Variants in WDR59 observed in about 807,000 individuals in gnomAD.
WDR59 encodes WD repeat domain 59.
WDR59 carries 100 observed loss-of-function variants against 131.2 expected under a neutral mutation model. That is an observed-to-expected ratio of 0.76 (90% CI 0.65 to 0.90). The LOEUF is 0.90. Among genes scored for constraint, WDR59 ranks in the 40% least tolerant of loss-of-function variants. The pLI, the probability that WDR59 is intolerant of heterozygous loss-of-function variation, is 0.00. For missense variants in WDR59, 1,203 were observed against 1,262.2 expected, an observed-to-expected ratio of 0.95 and a Z score of 0.71; for synonymous variants, 601 against 466.2, an observed-to-expected ratio of 1.29 and a Z score of -3.72.
chr16:74,983,183 A>C (rs2034494307), intron 1 of WDR59, among the ~76,000 whole-genome samples: 1 of 152,086 alleles, frequency 6.6e-6, no homozygotes, highest in African/African-American at 2.4e-5. Context: ...TCTCTACAAA[A>C]AATAATAGGC....
intron 11 of WDR59, among the ~76,000 whole-genome samples, chr16:74,917,231 T>C (rs1177674727): frequency 2.0e-5 from 3 of 152,162 alleles, no homozygotes; most frequent in Non-Finnish European, 4.4e-5. Context: ...GGGAAAAAAT[T>C]ACAAACAGCT....
At chr16:74,892,403 T>A (rs2144828797) in intron 20 of WDR59, 81 bp downstream of exon 20, 1 of 1,174,850 alleles carries the variant, frequency 8.5e-7, no homozygotes, top group Non-Finnish European at 1.3e-6. Context: ...TTTGAAAATG[T>A]CATTAAATGC....
At chr16:74,886,456 AAG>A in intron 23 of WDR59, 60 bp from the exon 24 acceptor site, 1 of 1,593,562 alleles carries the variant, frequency 6.3e-7, no homozygotes, top group South Asian at 1.1e-5. Context: ...AAAATATCTG[AAG>A]AGTCTCATAA....
rs1270708230 is a variant in WDR59 at position 74,871,378 on chromosome 16, A to G, written c.*2831T>C. 1 of 152,246 alleles carries G rather than the reference A, an allele frequency of 6.6e-6. No individual in the cohort carries two copies. Among genetic ancestry groups the G allele is most frequent in the African/African-American group, 2.4e-5 (1 of 41,474 alleles). The allele number at this position is 152,246 out of a possible 1,614,324, so 9.4% of individuals were successfully genotyped here. A position where few individuals can be genotyped will look rare whatever the true frequency, so the allele number is the denominator to read the frequency against. On this transcript the variant is annotated 3_prime_UTR_variant, in exon 26 of 26. Coordinates refer to ENST00000262144, the MANE Select transcript of WDR59 (RefSeq NM_030581.4). ...ACAAAAGACTCAGGTGCTTGTAATC[A>G]TCTATTCTGCGGCTGAGAGAATATC...
intron 9 of WDR59, among the ~76,000 whole-genome samples, chr16:74,922,465 C>T (rs145246478): frequency 1.1e-3 from 163 of 152,338 alleles, no homozygotes; most frequent in African/African-American, 3.8e-3. Context: ...CCAGAATGAG[C>T]ATGCAGGGCT....
intron 4 of WDR59, chr16:74,950,073 G>T (rs76662748): frequency 2.2e-6 from 1 of 449,120 alleles, no homozygotes; most frequent in South Asian, 1.7e-5. Context: ...TGAGCGCAGC[G>T]GCTCACGACT....
intron 1 of WDR59, chr16:74,978,976 A>T (rs1422482589): frequency 6.6e-6 from 1 of 152,222 alleles, no homozygotes; most frequent in Non-Finnish European, 1.5e-5. Context: ...AAATATCATT[A>T]GGTTAGCCTT....
At chr16:74,911,470 C>T (rs188428836) in intron 14 of WDR59, among the ~76,000 whole-genome samples, 10 of 152,352 alleles carry the variant, frequency 6.6e-5, no homozygotes, top group African/African-American at 2.2e-4. Flanking sequence ...TCAGTCCCTT[C>T]ACTTGTGACA....
intron 18 of WDR59, 150 bp from the exon 19 acceptor site, chr16:74,893,962 A>G: frequency 2.3e-6 from 2 of 882,620 alleles, no homozygotes; most frequent in Non-Finnish European, 3.4e-6. Context: ...TCTGTAGGAA[A>G]TAAAAGGATG....
chr16:74,917,289 C>T (rs1966436483), intron 11 of WDR59, among the ~76,000 whole-genome samples: 2 of 152,174 alleles, frequency 1.3e-5, no homozygotes, highest in African/African-American at 4.8e-5. Flanking sequence ...CAAGCATTTG[C>T]AGCGTACAAG....
chr16:74,885,599 T>G, intron 25 of WDR59, 54 bp downstream of exon 25: 1 of 1,592,742 alleles, frequency 6.3e-7, no homozygotes, highest in Admixed American at 1.8e-5. Context: ...GTGGACATAT[T>G]AAATTACAGG....
intron 20 of WDR59, 149 bp downstream of exon 20, chr16:74,892,335 T>A: frequency 1.4e-6 from 1 of 712,842 alleles, no homozygotes; most frequent in Non-Finnish European, 2.3e-6. Flanking sequence ...GGAAAGCCAC[T>A]CTAACCCTAC....
intron 13 of WDR59, among the ~76,000 whole-genome samples, chr16:74,913,789 G>A (rs998627221): frequency 2.6e-5 from 4 of 152,184 alleles, no homozygotes; most frequent in African/African-American, 4.8e-5. Flanking sequence ...GGGGAAATAG[G>A]GAGTGACTGC....
chr16:74,885,435 T>A (rs1464891869), intron 25 of WDR59, among the ~76,000 whole-genome samples: 2 of 98,834 alleles, frequency 2.0e-5, no homozygotes, highest in Non-Finnish European at 3.6e-5. Flanking sequence ...GCAACAAGAG[T>A]GAGATTCCAT....
intron 1 of WDR59, among the ~76,000 whole-genome samples, chr16:74,977,903 G>A (rs1187478732): frequency 3.3e-5 from 5 of 152,092 alleles, no homozygotes; most frequent in Admixed American, 6.6e-5. Flanking sequence ...AATCTCAAAA[G>A]CACTAGGCTA....
At chr16:74,962,373 G>A (rs1162434974) in intron 2 of WDR59, among the ~76,000 whole-genome samples, 2 of 152,054 alleles carry the variant, frequency 1.3e-5, no homozygotes, top group Non-Finnish European at 2.9e-5. Flanking sequence ...AATCACTTTG[G>A]GAGGTATGGC....
intron 17 of WDR59, among the ~76,000 whole-genome samples, chr16:74,907,322 T>C (rs1050160083): frequency 3.9e-5 from 6 of 152,178 alleles, no homozygotes; most frequent in African/African-American, 1.2e-4. Context: ...AATCCCCACA[T>C]GTCAAGGGAG....
Position 74,915,986 on chromosome 16 carries a change from C to T in WDR59, c.1108G>A (p.Glu370Lys), listed in dbSNP as rs2144966289. 1 of 1,614,148 alleles carries T rather than the reference C, an allele frequency of 6.2e-7. No individual in the cohort carries two copies. The highest frequency in any genetic ancestry group is 1.1e-5 in the South Asian group (1 of 91,084). The change falls in exon 13 of 26, where the codon GAA becomes AAA. Residue 370 changes from glutamate to lysine, a missense_variant. Physicochemically the swap from Glu to Lys is moderately conservative, Grantham distance 56. Coordinates refer to ENST00000262144, the MANE Select transcript of WDR59 (RefSeq NM_030581.4). Reference sequence around the variant, plus strand: ...TCCAGGAGATTTCTAGGGGGATCTTCTTTTAGGGCTAGCAGGAGAGAGAAG... The same window carrying T: ...TCCAGGAGATTTCTAGGGGGATCTTTTTTTAGGGCTAGCAGGAGAGAGAAG... ...ASHGEEEALK[E>K]DPPRNLLEER...
At position 74,896,436 on chromosome 16, in the gene WDR59, C is replaced by T. The variant is rs181128815; in HGVS notation, c.1867-2624G>A. Among the ~76,000 whole-genome samples, 30 of 152,204 alleles carry T rather than the reference C, an allele frequency of 2.0e-4. No individual in the cohort carries two copies. In the East Asian group the frequency reaches 4.7e-3, roughly 24 times the overall value. On this transcript the variant is annotated intron_variant, in intron 18 of 25. Transcript: ENST00000262144. ...CTGAGGCCAGGAGTTCGAGACCAGC[C>T]CGGCCCTGGCCCACATGGTGAAACC...
Sources: allele counts gnomAD v4.1 joint callset (sites outside exome capture counted in the v4.1 genomes callset), GRCh38; gene constraint gnomAD v4.1.1; transcripts MANE v1.5; gene names NCBI Gene and HGNC (gene_info 2026-07-23, HGNC 2026-07-21).